Variants in NAT10 observed in about 807,000 individuals in gnomAD.
NAT10 encodes RNA cytidine acetyltransferase.
Under a neutral mutation model 132.2 loss-of-function variants are expected in NAT10, and 109 were observed. The observed-to-expected ratio is 0.82, with a 90% CI of 0.71 to 0.97. The LOEUF (loss-of-function observed/expected upper bound fraction) is 0.97. Among genes scored for constraint, NAT10 ranks in the 50% least tolerant of loss-of-function variants. The pLI, the probability that NAT10 is intolerant of heterozygous loss-of-function variation, is 0.00. For synonymous variants in NAT10, 479 were observed against 478.0 expected (o/e 1.00, Z -0.03); for missense variants, 1,184 against 1,263.4 (o/e 0.94, Z 0.95).
Position 34,121,102 on chromosome 11 carries a change from C to T in NAT10, c.781-1357C>T, listed in dbSNP as rs188505553. Among the ~76,000 whole-genome samples the T allele has an allele frequency of 3.2e-3, 480 of 152,276 alleles. 9 individuals are homozygous for T. The highest frequency in any genetic ancestry group is 0.026 in the Admixed American group (399 of 15,296). On this transcript the variant is annotated intron_variant, in intron 8 of 28. Transcript: ENST00000257829. ...TCTTTCAGGCCACTGGCAGGGCTTT[C>T]ACACTTACTCTATAACAGATGGGAG...
chr11:34,127,635 G>A, intron 12 of NAT10, 36 bp downstream of exon 12: 1 of 1,576,204 alleles, frequency 6.3e-7, no homozygotes, highest in Non-Finnish European at 8.7e-7. Flanking sequence ...TACTCCCGTG[G>A]CAGGCTCTTG....
intron 8 of NAT10, 44 bp downstream of exon 8, chr11:34,118,547 A>G (rs1240938127): frequency 1.3e-6 from 2 of 1,532,894 alleles, no homozygotes; most frequent in African/African-American, 1.4e-5. Context: ...GTAGTAAAAC[A>G]TAGCATACGG....
Position 34,108,210 on chromosome 11 carries a change from G to GT in NAT10, c.-15dup. On this transcript the variant is annotated splice_region_variant and 5_prime_UTR_variant. Transcript: ENST00000257829. The stretch of plus-strand genomic sequence containing the variant: ...GCCAGTTGTATTTCTTTCTCTTTTA[G>GT]TAATAATTTTTCACCATGCATCGGA... 1 of 1,598,894 alleles carries GT rather than the reference G, an allele frequency of 6.3e-7. No individual in the cohort carries two copies. The highest frequency in any genetic ancestry group is 8.6e-7 in the Non-Finnish European group (1 of 1,166,250).
Position 34,139,188 on chromosome 11 carries a change from C to T in NAT10, c.2212-3C>T, listed in dbSNP as rs1852274944. On this transcript the variant is annotated splice_polypyrimidine_tract_variant and splice_region_variant and intron_variant, in intron 21 of 28. Coordinates refer to ENST00000257829, the MANE Select transcript of NAT10 (RefSeq NM_024662.3). ...GTGCCAGTTAAACCTCTGTGTTGCC[C>T]AGAATGACCTGACCGGAGAGCACTC... 1 of 1,613,232 alleles carries T rather than the reference C, an allele frequency of 6.2e-7. No homozygotes were observed.
At position 34,130,834 on chromosome 11, in the gene NAT10, A is replaced by C. The variant is rs969615339; in HGVS notation, c.1266A>C (p.Ser422=). The change falls in exon 13 of 29, where the codon TCA becomes TCC. Residue 422 remains serine, a synonymous_variant. Transcript: ENST00000257829. ...TINGYEGTGR[S]LSLKLIQQLR... ...CTAGCTATGAGGGCACTGGCCGGTC[A>C]CTGTCCCTCAAGCTAATTCAGCAGC... 1 of 1,613,990 alleles carries C rather than the reference A, an allele frequency of 6.2e-7. No homozygotes were observed. The highest frequency in any genetic ancestry group is 1.3e-5 in the African/African-American group (1 of 74,918).
chr11:34,140,169 A>G (rs1360265928), intron 23 of NAT10, among the ~76,000 whole-genome samples: 1 of 152,136 alleles, frequency 6.6e-6, no homozygotes, highest in Non-Finnish European at 1.5e-5. Context: ...TGTGTTCAGT[A>G]TGGGAACTGA....
rs529558092 is a variant in NAT10 at position 34,128,704 on chromosome 11, ACTAT to A, written c.1244+1111_1244+1114del. Among the ~76,000 whole-genome samples, 52 of 152,364 alleles carry A rather than the reference ACTAT, an allele frequency of 3.4e-4. 1 individual carries two copies. The highest frequency in any genetic ancestry group is 5.9e-4 in the Admixed American group (9 of 15,300). The stretch of plus-strand genomic sequence containing the variant: ...TATTGAGATATAACTCACATACTGT[ACTAT>A]CTATCCATTTAAAATGTGTAATTTA... On this transcript the variant is annotated intron_variant, in intron 12 of 28. Transcript: ENST00000257829.
intron 8 of NAT10, among the ~76,000 whole-genome samples, chr11:34,119,411 A>G (rs764987360): frequency 6.6e-6 from 1 of 152,234 alleles, no homozygotes; most frequent in Non-Finnish European, 1.5e-5. Flanking sequence ...TCATTCTGGA[A>G]ATATGATCAG....
chr11:34,131,358 G>T, intron 13 of NAT10, 23 bp from the exon 14 acceptor site: 1 of 1,586,492 alleles, frequency 6.3e-7, no homozygotes, highest in Non-Finnish European at 8.6e-7. Context: ...TTCTTCTTTT[G>T]TGTGTGTGAT....
intron 11 of NAT10, among the ~76,000 whole-genome samples, chr11:34,126,804 A>G (rs1026241585): frequency 2.0e-5 from 3 of 152,256 alleles, no homozygotes; most frequent in African/African-American, 7.2e-5. Context: ...CCACTTTAAA[A>G]TTAGCAGGAA....
chr11:34,120,985 G>T (rs1466033283), intron 8 of NAT10, among the ~76,000 whole-genome samples: 1 of 152,164 alleles, frequency 6.6e-6, no homozygotes, highest in Non-Finnish European at 1.5e-5. Context: ...TGGGCCTGGG[G>T]GAGGGGTGTC....
intron 12 of NAT10, 123 bp downstream of exon 12, chr11:34,127,722 A>G (rs2132958385): frequency 8.0e-7 from 1 of 1,251,374 alleles, no homozygotes; most frequent in East Asian, 2.4e-5. Context: ...TGAGTGTTTG[A>G]GGCTGCTTCA....
chr11:34,114,562 C>G (rs181435460), intron 5 of NAT10, among the ~76,000 whole-genome samples: 150 of 152,298 alleles, frequency 9.8e-4, no homozygotes, highest in Non-Finnish European at 1.7e-3. Context: ...TGCACTACAG[C>G]CCTTTTGGCC....
chr11:34,132,997 T>G (rs765819461), intron 15 of NAT10, 29 bp from the exon 16 acceptor site: 5 of 1,571,708 alleles, frequency 3.2e-6, no homozygotes, highest in Admixed American at 1.7e-5. Context: ...GAAGAGTGCT[T>G]CTCACTGACC....
chr11:34,144,989 G>A (rs1471470927), intron 28 of NAT10, among the ~76,000 whole-genome samples: 2 of 152,190 alleles, frequency 1.3e-5, no homozygotes, highest in African/African-American at 4.8e-5. Flanking sequence ...CATCGATGCC[G>A]GCCTCATTTC....
At chr11:34,141,408 T>A (rs1590193316) in intron 25 of NAT10, among the ~76,000 whole-genome samples, 200 bp downstream of exon 25, 1 of 132,868 alleles carries the variant, frequency 7.5e-6, no homozygotes, top group African/African-American at 2.9e-5. Context: ...TCATCACACA[T>A]CACACACACA....
intron 27 of NAT10, 56 bp downstream of exon 27, chr11:34,142,404 G>T: frequency 6.7e-7 from 1 of 1,483,066 alleles, no homozygotes; most frequent in Non-Finnish European, 9.4e-7. Context: ...CTAAGAATCT[G>T]CCTACACGTT....
In NAT10 at chr11:34,139,207, A is replaced by G. The variant is rs778072472; in HGVS notation, c.2228A>G (p.Glu743Gly). 1 of 1,613,968 alleles carries G rather than the reference A, an allele frequency of 6.2e-7. No individual in the cohort carries two copies. The highest frequency in any genetic ancestry group is 8.5e-7 in the Non-Finnish European group (1 of 1,179,934). Residue 743 changes from glutamate to glycine, a missense_variant, in exon 22 of 29, where the codon GAG (glutamate) becomes GGG (glycine). By Grantham distance (98) the Glu-to-Gly change is moderately conservative. Coordinates refer to ENST00000257829, the MANE Select transcript of NAT10 (RefSeq NM_024662.3). Reference sequence around the variant, plus strand: ...GTTGCCCAGAATGACCTGACCGGAGAGCACTCGTGCATCATGCTGAAGACG... The same window carrying G: ...GTTGCCCAGAATGACCTGACCGGAGGGCACTCGTGCATCATGCTGAAGACG... ...LRQTPNDLTGEHSCIMLKTLT... is the reference protein window; with the variant it reads ...LRQTPNDLTGGHSCIMLKTLT...
chr11:34,130,358 T>C (rs1852082842), intron 12 of NAT10, among the ~76,000 whole-genome samples: 1 of 152,260 alleles, frequency 6.6e-6, no homozygotes, highest in Non-Finnish European at 1.5e-5. Flanking sequence ...TCAGTTCATT[T>C]CCTTATGCAC....
Sources: allele counts gnomAD v4.1 joint callset (sites outside exome capture counted in the v4.1 genomes callset), GRCh38; gene constraint gnomAD v4.1.1; transcripts MANE v1.5; gene names NCBI Gene and HGNC (gene_info 2026-07-23, HGNC 2026-07-21).